Variants in AOPEP observed in about 807,000 individuals in gnomAD.
AOPEP encodes the protein aminopeptidase O (putative).
A neutral mutation model predicts 98.1 loss-of-function variants in AOPEP; 77 were observed. That is an observed-to-expected ratio of 0.78 (90% CI 0.65 to 0.95). AOPEP has a LOEUF of 0.95. Among genes scored for constraint, AOPEP ranks in the 40% least tolerant of loss-of-function variants. AOPEP has a pLI of 0.00. For missense variants in AOPEP, 1,024 were observed against 1,024.7 expected, an observed-to-expected ratio of 1.00 and a Z score of 0.01; for synonymous variants, 346 against 365.3, an observed-to-expected ratio of 0.95 and a Z score of 0.60.
chr9:95,007,719 T>C (rs1279635904), intron 13 of AOPEP, among the ~76,000 whole-genome samples: 1 of 152,192 alleles, frequency 6.6e-6, no homozygotes, highest in Non-Finnish European at 1.5e-5. Flanking sequence ...TGCACAGCAC[T>C]TCCAAGCCCT....
intron 2 of AOPEP, among the ~76,000 whole-genome samples, chr9:94,763,566 A>C (rs1479074299): frequency 6.6e-6 from 1 of 152,176 alleles, no homozygotes; most frequent in African/African-American, 2.4e-5. Flanking sequence ...CACACCTAGC[A>C]CCCAGATCTT....
intron 14 of AOPEP, among the ~76,000 whole-genome samples, chr9:95,079,018 A>G (rs2069406462): frequency 6.6e-6 from 1 of 152,188 alleles, no homozygotes; most frequent in African/African-American, 2.4e-5. Flanking sequence ...TGAAGGTGGA[A>G]AGATTTTGCC....
intron 5 of AOPEP, among the ~76,000 whole-genome samples, chr9:94,923,325 C>G (rs1012568713): frequency 2.0e-5 from 3 of 152,146 alleles, no homozygotes; most frequent in Non-Finnish European, 4.4e-5. Context: ...TGGGATAACT[C>G]CCTGCCTTCT....
rs560082000 is a variant in AOPEP, at chr9:94,933,736, TTTTA to T, written c.1661+5213_1661+5216del. 7.5e-5 allele frequency: 67 copies of T among 896,716 alleles called. No individual in the cohort carries two copies. In the African/African-American group the frequency reaches 1.1e-3, roughly 15 times the overall value. 55.5% of individuals were successfully genotyped at this position (896,716 alleles called of 1,614,324 possible). A position where few individuals can be genotyped will look rare whatever the true frequency, so the allele number is the denominator to read the frequency against. On this transcript the variant is annotated intron_variant, in intron 7 of 16. Coordinates refer to ENST00000375315, the MANE Select transcript of AOPEP (RefSeq NM_001193329.3). ...CTTAAAATAGGAAGCCTTTTTTTAT[TTTTA>T]TTTATTTTTTTTAATTTTTTTTTTT...
chr9:94,984,420 G>T (rs1469879551), intron 11 of AOPEP, among the ~76,000 whole-genome samples: 1 of 152,106 alleles, frequency 6.6e-6, no homozygotes, highest in African/African-American at 2.4e-5. Flanking sequence ...ATGTGAATGA[G>T]TCTGCTTTTT....
In AOPEP at chr9:94,924,140, C is replaced by A; in HGVS notation, c.1519C>A (p.His507Asn). 6.8e-7 allele frequency: 1 copy of A among 1,473,796 alleles called. No individual in the cohort carries two copies. Among genetic ancestry groups the A allele is most frequent in the African/African-American group, 1.4e-5 (1 of 70,292 alleles). The allele number at this position is 1,473,796 out of a possible 1,614,324, so 91.3% of individuals were successfully genotyped here. ...GTGGCTGAGTGAAGGCTTCGCCACTCACTTGGAGGATGTGTTTTGGGCCAC... is the reference window on the plus strand; with the variant it reads ...GTGGCTGAGTGAAGGCTTCGCCACTAACTTGGAGGATGTGTTTTGGGCCAC... ...EEWLSEGFAT[H>N]LEDVFWATAQ... Residue 507 changes from histidine (H) to asparagine (N), a missense_variant, in exon 6 of 17, where the codon CAC (histidine) becomes AAC (asparagine). Physicochemically the swap from His to Asn is moderately conservative, Grantham distance 68. This residue lies in a region of AOPEP where 566 missense variants were observed against 551.7 expected (regional missense o/e 1.03). Coordinates refer to ENST00000375315, the MANE Select transcript of AOPEP (RefSeq NM_001193329.3).
In AOPEP at chr9:94,772,982, T is replaced by A. The variant is rs369942822; in HGVS notation, c.798-20T>A. The A allele has an allele frequency of 2.1e-4, 330 of 1,564,616 alleles. 2 individuals carry two copies. The African/African-American group carries it at 3.9e-3, about 19-fold the overall frequency. ...ATTTTAAAGATTCACCCCCTTTCTTTCTTTGTCTCTCTTCTGCAGGCCATG... is the reference window on the plus strand; with the variant it reads ...ATTTTAAAGATTCACCCCCTTTCTTACTTTGTCTCTCTTCTGCAGGCCATG... On this transcript the variant is annotated intron_variant, in intron 2 of 16. Coordinates refer to ENST00000375315, the MANE Select transcript of AOPEP (RefSeq NM_001193329.3).
chr9:94,835,970 T>TA (rs1177161859), intron 5 of AOPEP, among the ~76,000 whole-genome samples: 4 of 152,196 alleles, frequency 2.6e-5, no homozygotes, highest in Non-Finnish European at 4.4e-5. Context: ...AGTCAATCCC[T>TA]AAGCAAGGGA....
chr9:95,005,647 G>A, intron 13 of AOPEP, 31 bp downstream of exon 13: 1 of 1,589,018 alleles, frequency 6.3e-7, no homozygotes, highest in Non-Finnish European at 8.6e-7. Context: ...ACTCGGTGCA[G>A]GTCTTGGTAA....
intron 13 of AOPEP, among the ~76,000 whole-genome samples, chr9:95,026,122 A>G (rs2063818690): frequency 6.6e-6 from 1 of 152,238 alleles, no homozygotes; most frequent in African/African-American, 2.4e-5. Flanking sequence ...AGAAAGTAAG[A>G]GAAAACCGGA....
chr9:94,799,035 G>C (rs1037352330), intron 4 of AOPEP, among the ~76,000 whole-genome samples: 1 of 152,094 alleles, frequency 6.6e-6, no homozygotes, highest in Non-Finnish European at 1.5e-5. Context: ...CTTACTCTCC[G>C]TTGTGGTGAA....
At chr9:94,907,912 C>T (rs1235250364) in intron 5 of AOPEP, among the ~76,000 whole-genome samples, 3 of 152,124 alleles carry the variant, frequency 2.0e-5, no homozygotes, top group Non-Finnish European at 4.4e-5. Context: ...CTCTAAGTGC[C>T]CTTCAAATTC....
intron 5 of AOPEP, among the ~76,000 whole-genome samples, chr9:94,922,856 A>T (rs2053820536): frequency 6.6e-6 from 1 of 152,180 alleles, no homozygotes; most frequent in Non-Finnish European, 1.5e-5. Context: ...ATTGCAGTTG[A>T]GCTCTCTGAG....
intron 14 of AOPEP, among the ~76,000 whole-genome samples, chr9:95,068,561 C>T (rs944969666): frequency 6.6e-6 from 1 of 152,098 alleles, no homozygotes. Flanking sequence ...AGTCTAGATA[C>T]GAGTTCCTTC....
the AOPEP span, chr9:95,127,520 C>G: frequency 2.6e-5 from 4 of 152,286 alleles, no homozygotes; most frequent in African/African-American, 7.2e-5. Context: ...CCGTGGGAAG[C>G]GAAGCGCGGG....
chr9:95,116,445 T>C, the AOPEP span, among the ~76,000 whole-genome samples: 1 of 152,214 alleles, frequency 6.6e-6, no homozygotes, highest in African/African-American at 2.4e-5. Context: ...TTTTGTAAAA[T>C]GCTCTGAAAC....
At chr9:95,010,806 A>G (rs185147034) in intron 13 of AOPEP, among the ~76,000 whole-genome samples, 4 of 152,242 alleles carry the variant, frequency 2.6e-5, no homozygotes, top group African/African-American at 9.6e-5. Context: ...ATGGCAACTT[A>G]CTTGAGTGAT....
At chr9:94,944,652 C>A (rs942498198) in intron 7 of AOPEP, among the ~76,000 whole-genome samples, 1 of 152,138 alleles carries the variant, frequency 6.6e-6, no homozygotes, top group Non-Finnish European at 1.5e-5. Flanking sequence ...GCAGCCTTAA[C>A]CTACCAGGCT....
chr9:94,986,584 G>C (rs1564486178), intron 11 of AOPEP, among the ~76,000 whole-genome samples: 1 of 152,160 alleles, frequency 6.6e-6, no homozygotes. Flanking sequence ...TTAGTATCTA[G>C]TGAGTGCACA....
Sources: allele counts gnomAD v4.1 joint callset (sites outside exome capture counted in the v4.1 genomes callset), GRCh38; gene constraint gnomAD v4.1.1; regional missense constraint gnomAD v4.1.1; transcripts MANE v1.5; gene names NCBI Gene and HGNC (gene_info 2026-07-23, HGNC 2026-07-21).